VPS37A: variants seen among roughly 807,000 people sequenced by gnomAD.
VPS37A encodes vacuolar protein sorting-associated protein 37A.
Under a neutral mutation model 49.8 loss-of-function variants are expected in VPS37A, and 30 were observed. The observed-to-expected ratio is 0.60, with a 90% CI of 0.45 to 0.82. The LOEUF is 0.82. Ranked by LOEUF, VPS37A falls within the 40% of genes least tolerant of loss-of-function variation. The probability of loss-of-function intolerance (pLI) is 0.00; values close to 1 mark genes in which losing one functional copy is unlikely to be tolerated. For synonymous variants in VPS37A, 195 were observed against 160.6 expected (o/e 1.21, Z -1.62); for missense variants, 593 against 464.4 (o/e 1.28, Z -2.55).
the VPS37A span, chr8:17,331,156 G>A: frequency 2.5e-6 from 4 of 1,609,994 alleles, no homozygotes; most frequent in Non-Finnish European, 3.4e-6. Context: ...TTACCTTCCA[G>A]CATTTTCTGC....
chr8:17,256,890 G>A (rs1460906142), intron 1 of VPS37A, among the ~76,000 whole-genome samples: 1 of 152,094 alleles, frequency 6.6e-6, no homozygotes, highest in African/African-American at 2.4e-5. Flanking sequence ...GACCTCAGAT[G>A]ATCGGCCTGC....
At chr8:17,257,371 C>A (rs1010406881) in intron 1 of VPS37A, among the ~76,000 whole-genome samples, 1 of 152,126 alleles carries the variant, frequency 6.6e-6, no homozygotes, top group African/African-American at 2.4e-5. Context: ...CAACCTTGTT[C>A]TTTTTGCTCA....
intron 1 of VPS37A, among the ~76,000 whole-genome samples, chr8:17,257,573 C>T (rs973574520): frequency 2.0e-5 from 3 of 152,058 alleles, no homozygotes; most frequent in African/African-American, 4.8e-5. Flanking sequence ...CACCATGGCA[C>T]GTGTATACCT....
intron 1 of VPS37A, among the ~76,000 whole-genome samples, chr8:17,255,682 C>G (rs993865464): frequency 3.3e-5 from 5 of 152,148 alleles, no homozygotes; most frequent in Admixed American, 2.6e-4. Context: ...TATTTAAACT[C>G]ACTAATTAAT....
chr8:17,327,991 G>C, the VPS37A span, among the ~76,000 whole-genome samples: 1 of 152,198 alleles, frequency 6.6e-6, no homozygotes, highest in Non-Finnish European at 1.5e-5. Context: ...GTGTGGCAAA[G>C]AGCAGTTGCT....
At chr8:17,270,934 A>C (rs1813922843) in intron 4 of VPS37A, among the ~76,000 whole-genome samples, 1 of 152,176 alleles carries the variant, frequency 6.6e-6, no homozygotes, top group African/African-American at 2.4e-5. Context: ...ACGGAATTAA[A>C]GAGACAAGGT....
At chr8:17,260,224 A>G (rs982094875) in intron 1 of VPS37A, among the ~76,000 whole-genome samples, 7 of 152,122 alleles carry the variant, frequency 4.6e-5, no homozygotes, top group African/African-American at 1.4e-4. Flanking sequence ...TGAATCTACT[A>G]TAGGTTTTTG....
At chr8:17,316,418 C>CT in the VPS37A span, among the ~76,000 whole-genome samples, 3 of 151,446 alleles carry the variant, frequency 2.0e-5, no homozygotes. Context: ...CATCCCCCTA[C>CT]TGTTGACAGT....
intron 9 of VPS37A, among the ~76,000 whole-genome samples, chr8:17,284,233 CCA>C (rs1468464521): frequency 6.6e-6 from 1 of 152,108 alleles, no homozygotes; most frequent in Admixed American, 6.6e-5. Flanking sequence ...AATGATTTTC[CCA>C]GTTTCTCTCA....
At position 17,280,107 on chromosome 8, in the gene VPS37A, A is replaced by G. The variant is rs1369653770; in HGVS notation, c.793A>G (p.Ile265Val). Reference protein sequence around the residue: ...QFLTLPQLKQIITDKDDLVKS... With the variant: ...QFLTLPQLKQVITDKDDLVKS... Reference sequence around the variant, plus strand: ...TCTGACTTTGCCTCAACTAAAACAAATTATTACCGACAAAGATGACTTAGT... The same window carrying G: ...TCTGACTTTGCCTCAACTAAAACAAGTTATTACCGACAAAGATGACTTAGT... The change falls in exon 7 of 12, where the codon ATT (isoleucine) becomes GTT (valine). Residue 265 changes from isoleucine (I) to valine (V), a missense_variant. Physicochemically the swap from Ile to Val is conservative, Grantham distance 29 (BLOSUM62 3). Coordinates refer to ENST00000324849, the MANE Select transcript of VPS37A (RefSeq NM_152415.3). 5.6e-6 allele frequency: 9 copies of G among 1,612,700 alleles called. No individual in the cohort carries two copies. The highest frequency in any genetic ancestry group is 1.1e-5 in the South Asian group (1 of 90,998).
downstream of VPS37A, among the ~76,000 whole-genome samples, chr8:17,306,708 G>A (rs1309561236): frequency 6.6e-6 from 1 of 152,134 alleles, no homozygotes; most frequent in African/African-American, 2.4e-5. Context: ...TTGAGGAAGA[G>A]GAATGAGCAA....
chr8:17,277,861 T>TACACACACACACAC (rs67718316), intron 6 of VPS37A, among the ~76,000 whole-genome samples: 13 of 140,886 alleles, frequency 9.2e-5, no homozygotes, highest in African/African-American at 3.4e-4. Flanking sequence ...TTCTCTTTTA[T>TACACACACACACAC]ACACACACAC....
At chr8:17,300,101 A>T, downstream of VPS37A, 1 of 1,614,154 alleles carries the variant, frequency 6.2e-7, no homozygotes, top group Non-Finnish European at 8.5e-7. Flanking sequence ...TTCCCACTGT[A>T]ATCCTGGGGA....
the VPS37A span, chr8:17,311,384 A>T: frequency 8.0e-7 from 1 of 1,244,340 alleles, no homozygotes; most frequent in Non-Finnish European, 1.1e-6. Context: ...TTCCCCTTTA[A>T]TCTTGCTGAG....
chr8:17,259,494 T>C (rs896564506), intron 1 of VPS37A, among the ~76,000 whole-genome samples: 1 of 152,184 alleles, frequency 6.6e-6, no homozygotes, highest in African/African-American at 2.4e-5. Flanking sequence ...TGGCCTAAGA[T>C]ATGTTCTGTT....
the VPS37A span, chr8:17,311,556 T>C: frequency 6.2e-7 from 1 of 1,614,032 alleles, no homozygotes; most frequent in Non-Finnish European, 8.5e-7. Context: ...GCAGCAGGCT[T>C]GCCACCGAGC....
At chr8:17,286,077 C>T (rs1007627179) in intron 10 of VPS37A, among the ~76,000 whole-genome samples, 1 of 152,026 alleles carries the variant, frequency 6.6e-6, no homozygotes, top group Non-Finnish European at 1.5e-5. Flanking sequence ...TGAGAGGTTC[C>T]CTAAAACAGG....
intron 4 of VPS37A, among the ~76,000 whole-genome samples, 186 bp downstream of exon 4, chr8:17,269,142 C>T (rs1037824472): frequency 6.6e-6 from 1 of 152,144 alleles, no homozygotes; most frequent in African/African-American, 2.4e-5. Context: ...TTACCTACAT[C>T]TTTCTGAATA....
chr8:17,301,155 T>C (rs1817083029), downstream of VPS37A, among the ~76,000 whole-genome samples: 1 of 152,256 alleles, frequency 6.6e-6, no homozygotes, highest in Non-Finnish European at 1.5e-5. Context: ...GCAAAAGCAC[T>C]GTGCTGGGCA....
Sources: gnomAD v4.1 joint callset for allele counts (sites outside exome capture counted in the v4.1 genomes callset) on GRCh38, gnomAD v4.1.1 for gene constraint, MANE v1.5 for transcripts, NCBI Gene and HGNC (gene_info 2026-07-23, HGNC 2026-07-21) for gene names.